GRAMD1B: variants seen among roughly 807,000 people sequenced by gnomAD.
GRAMD1B encodes protein Aster-B.
In GRAMD1B, 37 loss-of-function variants were observed where a neutral mutation model predicts 99.7. That is an observed-to-expected ratio of 0.37 (90% CI 0.29 to 0.49). The LOEUF is 0.49. Ranked by LOEUF, GRAMD1B falls within the 20% of genes least tolerant of loss-of-function variation. GRAMD1B has a pLI of 0.98. For synonymous variants in GRAMD1B, 427 were observed against 387.6 expected (o/e 1.10, Z -1.19); for missense variants, 888 against 1,009.2 (o/e 0.88, Z 1.63).
intron 2 of GRAMD1B, among the ~76,000 whole-genome samples, chr11:123,524,099 A>G (rs908966758): frequency 1.3e-5 from 2 of 152,198 alleles, no homozygotes; most frequent in South Asian, 2.1e-4. Flanking sequence ...TTGGAGAGAT[A>G]ACATGGTGTT....
chr11:123,539,339 C>A (rs138253499), intron 2 of GRAMD1B, among the ~76,000 whole-genome samples: 2 of 152,098 alleles, frequency 1.3e-5, no homozygotes, highest in Non-Finnish European at 2.9e-5. Flanking sequence ...TGGTGGCTCA[C>A]GCCTGTAATC....
intron 1 of GRAMD1B, among the ~76,000 whole-genome samples, chr11:123,450,016 C>G (rs1419684284): frequency 6.6e-6 from 1 of 152,104 alleles, no homozygotes; most frequent in Non-Finnish European, 1.5e-5. Context: ...AGTCACCACA[C>G]CTGAACCAGA....
intron 19 of GRAMD1B, chr11:123,619,623 C>G (rs1954870870): frequency 1.4e-6 from 1 of 714,178 alleles, no homozygotes; most frequent in South Asian, 2.2e-5. Context: ...TTACCGCCCC[C>G]TCCTCTGACA....
intron 2 of GRAMD1B, 135 bp downstream of exon 2, chr11:123,481,028 C>G: frequency 2.5e-6 from 1 of 395,950 alleles, no homozygotes; most frequent in Non-Finnish European, 4.4e-6. Context: ...CCTGAGACCT[C>G]TGTGCTTGAC....
chr11:123,501,642 T>C (rs990548477), intron 2 of GRAMD1B, among the ~76,000 whole-genome samples: 2 of 152,160 alleles, frequency 1.3e-5, no homozygotes, highest in African/African-American at 4.8e-5. Context: ...AGCAAGTCTA[T>C]TAATGGCCAT....
intron 14 of GRAMD1B, among the ~76,000 whole-genome samples, chr11:123,611,725 C>T (rs1012198865): frequency 3.9e-5 from 6 of 152,172 alleles, no homozygotes; most frequent in Admixed American, 1.3e-4. Flanking sequence ...TGCCCATCCA[C>T]GATGCAGTCA....
intron 1 of GRAMD1B, among the ~76,000 whole-genome samples, chr11:123,411,009 C>CT (rs879774512): frequency 1.6e-3 from 235 of 145,370 alleles, no homozygotes; most frequent in Middle Eastern, 3.6e-3. Flanking sequence ...AACTTATCTT[C>CT]TTTTTTTTTT....
chr11:123,598,480 C>A (rs1314815725), intron 7 of GRAMD1B: 1 of 1,134,070 alleles, frequency 8.8e-7, no homozygotes, highest in Non-Finnish European at 1.3e-6. Context: ...TAGATTTGGG[C>A]TTCTAGAAAA....
chr11:123,619,136 A>T lies in GRAMD1B; in HGVS notation c.2456A>T (p.Gln819Leu). The T allele has an allele frequency of 6.4e-7, 1 of 1,565,880 alleles. No homozygotes were observed. Among genetic ancestry groups the T allele is most frequent in the Non-Finnish European group, 8.7e-7 (1 of 1,154,826 alleles). ...RLPQSQTEWA[Q>L]LLESQQKYHD... ...CCCCAGTCTCAGACAGAATGGGCCCAGCTCTTAGAGTCCCAACAAAAGTAC... is the reference window on the plus strand; with the variant it reads ...CCCCAGTCTCAGACAGAATGGGCCCTGCTCTTAGAGTCCCAACAAAAGTAC... The change falls in exon 19 of 20, where the codon CAG becomes CTG. Residue 819 changes from glutamine to leucine, a missense_variant. By Grantham distance (113) the Gln-to-Leu change is moderately radical. Coordinates refer to ENST00000635736, the MANE Select transcript of GRAMD1B (RefSeq NM_001387025.1).
chr11:123,627,517 G>A lies in GRAMD1B; in HGVS notation c.*4922G>A, dbSNP rs573965592. 6.6e-6 allele frequency: 1 copy of A among 152,494 alleles called. No homozygotes were observed. Among genetic ancestry groups the A allele is most frequent in the South Asian group, 2.1e-4 (1 of 4,828 alleles). The allele number at this position is 152,494 out of a possible 1,614,324, so 9.4% of individuals were successfully genotyped here. A position where few individuals can be genotyped will look rare whatever the true frequency, so the allele number is the denominator to read the frequency against. ...CCTGACGTGGGGTGGAGTGGGGTGA[G>A]GCAGAGGGAGCAGCCCCAACACCTG... On this transcript the variant is annotated 3_prime_UTR_variant, in exon 20 of 20. Transcript: ENST00000635736.
rs1474832865 is a variant in GRAMD1B, at chr11:123,591,358, AG to A, written c.685-2723del. 1 of 398,896 alleles carries A rather than the reference AG, an allele frequency of 2.5e-6. No individual in the cohort carries two copies. Among genetic ancestry groups the A allele is most frequent in the Non-Finnish European group, 4.4e-6 (1 of 226,206 alleles). 24.7% of individuals were successfully genotyped at this position (398,896 alleles called of 1,614,324 possible). A position where few individuals can be genotyped will look rare whatever the true frequency, so the allele number is the denominator to read the frequency against. On this transcript the variant is annotated intron_variant, in intron 4 of 19. Coordinates refer to ENST00000635736, the MANE Select transcript of GRAMD1B (RefSeq NM_001387025.1). The surrounding 1 kb of genome is among the most constrained non-coding windows in gnomAD (Gnocchi z 4.7). ...GACAGTCGGGAGTCAGTGCTCAGGG[AG>A]CCAGGCGTCGTTGGGAGGGGCAGCC...
chr11:123,416,817 G>A (rs1948246417), intron 1 of GRAMD1B, among the ~76,000 whole-genome samples: 1 of 152,186 alleles, frequency 6.6e-6, no homozygotes, highest in Non-Finnish European at 1.5e-5. Context: ...ATGTGCTAGT[G>A]ACTGAGCTAA....
intron 1 of GRAMD1B, among the ~76,000 whole-genome samples, chr11:123,423,304 T>C (rs768472204): frequency 2.7e-5 from 4 of 150,170 alleles, no homozygotes; most frequent in African/African-American, 4.9e-5. Flanking sequence ...CAACCCCAAA[T>C]GTTCCCTCTC....
At chr11:123,608,212 A>T (rs1418619680) in intron 11 of GRAMD1B, 1 of 401,092 alleles carries the variant, frequency 2.5e-6, no homozygotes, top group East Asian at 4.8e-5. Flanking sequence ...CTTCCAGATT[A>T]GTCTACGTTC....
At chr11:123,609,679 T>G (rs1467004821) in intron 12 of GRAMD1B, 116 bp from the exon 13 acceptor site, 5 of 626,810 alleles carry the variant, frequency 8.0e-6, no homozygotes, top group East Asian at 2.9e-5. Flanking sequence ...ATTGGCTTCC[T>G]TTTGGGGGCC....
intron 2 of GRAMD1B, among the ~76,000 whole-genome samples, chr11:123,498,504 C>A (rs928151723): frequency 6.6e-6 from 1 of 152,198 alleles, no homozygotes; most frequent in Non-Finnish European, 1.5e-5. Context: ...AAACCAGTTA[C>A]GGTAATTGCT....
intron 2 of GRAMD1B, among the ~76,000 whole-genome samples, chr11:123,506,083 A>G (rs1273795220): frequency 2.0e-5 from 3 of 152,252 alleles, no homozygotes; most frequent in Non-Finnish European, 4.4e-5. Context: ...GGCTTAGGAC[A>G]GGCAGAGAGA....
chr11:123,608,703 G>C lies in GRAMD1B; in HGVS notation c.1558G>C (p.Val520Leu). 1 of 1,564,354 alleles carries C rather than the reference G, an allele frequency of 6.4e-7. No individual in the cohort carries two copies. The highest frequency in any genetic ancestry group is 1.9e-5 in the Admixed American group (1 of 52,788). Residue 520 changes from valine (V) to leucine (L), a missense_variant, in exon 12 of 20, where the codon GTG becomes CTG. Physicochemically the swap from Val to Leu is conservative, Grantham distance 32. Transcript: ENST00000635736. ...FYEDLSGRQY[V>L]NEVFNFSVDK... ...TGAGGACCTGAGTGGCCGGCAGTAC[G>C]TGAATGAAGTCTTCAACTTCAGCGT...
intron 2 of GRAMD1B, among the ~76,000 whole-genome samples, chr11:123,547,872 AC>A (rs1945170517): frequency 6.6e-6 from 1 of 152,138 alleles, no homozygotes; most frequent in Non-Finnish European, 1.5e-5. Flanking sequence ...AATTATTCTT[AC>A]AGTCATGTTG....
Sources: allele counts gnomAD v4.1 joint callset (sites outside exome capture counted in the v4.1 genomes callset), GRCh38; gene constraint gnomAD v4.1.1; non-coding constraint Gnocchi (gnomAD v3.1); transcripts MANE v1.5; gene names NCBI Gene and HGNC (gene_info 2026-07-23, HGNC 2026-07-21).